The following REEP1 variants were observed in gnomAD, a reference collection of about 807,000 sequenced individuals.
REEP1 encodes receptor expression-enhancing protein 1.
REEP1 carries 22 observed loss-of-function variants against 40.3 expected under a neutral mutation model. The observed-to-expected ratio is 0.55, with a 90% CI of 0.39 to 0.78. REEP1 has a LOEUF of 0.78. REEP1 is among the 30% of genes least tolerant of loss of function. The probability of loss-of-function intolerance (pLI) is 0.00; values close to 1 mark genes in which losing one functional copy is unlikely to be tolerated. For synonymous variants in REEP1, 116 were observed against 139.2 expected, an observed-to-expected ratio of 0.83 and a Z score of 1.17; for missense variants, 280 against 361.1, an observed-to-expected ratio of 0.78 and a Z score of 1.82.
chr2:86,239,483 A>C (rs1186283808), intron 5 of REEP1, among the ~76,000 whole-genome samples: 1 of 152,182 alleles, frequency 6.6e-6, no homozygotes, highest in East Asian at 1.9e-4. Context: ...GGAAATTGAT[A>C]ACAAAGCCAC....
intron 5 of REEP1, among the ~76,000 whole-genome samples, chr2:86,246,913 C>G (rs1333120012): frequency 3.3e-5 from 5 of 152,082 alleles, no homozygotes; most frequent in African/African-American, 1.2e-4. Context: ...GTTGGTCAGG[C>G]TGGTTTCAAA....
chr2:86,253,548 C>T (rs569755175), intron 4 of REEP1, among the ~76,000 whole-genome samples: 17 of 152,238 alleles, frequency 1.1e-4, no homozygotes, highest in African/African-American at 3.9e-4. Flanking sequence ...GAGTCAGTCA[C>T]CTTCACTTCA....
At chr2:86,260,076 C>A (rs2104282534) in intron 3 of REEP1, among the ~76,000 whole-genome samples, 1 of 152,282 alleles carries the variant, frequency 6.6e-6, no homozygotes, top group East Asian at 1.9e-4. Context: ...CCTACATTCC[C>A]TGATGGGCCC....
chr2:86,259,294 G>A (rs997964357), intron 3 of REEP1, among the ~76,000 whole-genome samples: 1 of 151,984 alleles, frequency 6.6e-6, no homozygotes, highest in African/African-American at 2.4e-5. Context: ...TTCTAGGGAG[G>A]GAGACTGTGG....
chr2:86,316,233 C>A (rs1680000518), intron 1 of REEP1, among the ~76,000 whole-genome samples: 1 of 152,042 alleles, frequency 6.6e-6, no homozygotes, highest in African/African-American at 2.4e-5. Flanking sequence ...GATATACCTG[C>A]AAACCTAAAA....
intron 5 of REEP1, among the ~76,000 whole-genome samples, chr2:86,248,649 T>C (rs1676099172): frequency 6.6e-6 from 1 of 152,056 alleles, no homozygotes; most frequent in South Asian, 2.1e-4. Flanking sequence ...AGGGTCTCAC[T>C]ATGTTACCCA....
At chr2:86,243,463 C>T (rs559181908) in intron 5 of REEP1, among the ~76,000 whole-genome samples, 6 of 152,292 alleles carry the variant, frequency 3.9e-5, no homozygotes, top group East Asian at 1.9e-4. Flanking sequence ...AATGTCGGAC[C>T]GCCAACTCCG....
At chr2:86,258,178 C>T (rs1676672780) in intron 3 of REEP1, among the ~76,000 whole-genome samples, 1 of 152,222 alleles carries the variant, frequency 6.6e-6, no homozygotes, top group South Asian at 2.1e-4. Context: ...CATCTACCAA[C>T]AGAGCGTCAT....
chr2:86,237,394 T>A (rs1277355107), intron 5 of REEP1, among the ~76,000 whole-genome samples: 1 of 152,226 alleles, frequency 6.6e-6, no homozygotes, highest in Admixed American at 6.5e-5. Flanking sequence ...AAGTGGATAC[T>A]GACACGCCGA....
At chr2:86,335,837 C>CG (rs2104556460) in intron 1 of REEP1, among the ~76,000 whole-genome samples, 2 of 116,712 alleles carry the variant, frequency 1.7e-5, no homozygotes, top group East Asian at 5.6e-4. Context: ...GGCGACAGAG[C>CG]GAGACTCGGT....
chr2:86,248,410 T>G (rs1012260257), intron 5 of REEP1, among the ~76,000 whole-genome samples: 1 of 152,104 alleles, frequency 6.6e-6, no homozygotes, highest in African/African-American at 2.4e-5. Context: ...GGGACAGGCC[T>G]AGTTTATTTT....
chr2:86,280,216 G>A (rs1253579082), intron 2 of REEP1, among the ~76,000 whole-genome samples: 2 of 152,180 alleles, frequency 1.3e-5, no homozygotes, highest in African/African-American at 4.8e-5. Context: ...GATACTACTC[G>A]GCTTGTTTCT....
intron 5 of REEP1, among the ~76,000 whole-genome samples, chr2:86,246,801 A>T (rs1206994081): frequency 6.6e-6 from 1 of 150,988 alleles, no homozygotes; most frequent in Admixed American, 6.6e-5. Flanking sequence ...TCCTGAGTTC[A>T]AGAGATTCTC....
intron 1 of REEP1, among the ~76,000 whole-genome samples, chr2:86,313,615 G>A (rs1679862398): frequency 6.6e-6 from 1 of 152,196 alleles, no homozygotes; most frequent in South Asian, 2.1e-4. Flanking sequence ...ATGACATATT[G>A]AAACCAGTTT....
chr2:86,276,352 G>A (rs1189419944), intron 2 of REEP1, among the ~76,000 whole-genome samples: 1 of 152,194 alleles, frequency 6.6e-6, no homozygotes, highest in Non-Finnish European at 1.5e-5. Context: ...TTCTGCATGT[G>A]GACTTGCTTT....
At chr2:86,229,045 C>T (rs1369748346) in intron 6 of REEP1, among the ~76,000 whole-genome samples, 1 of 152,226 alleles carries the variant, frequency 6.6e-6, no homozygotes, top group African/African-American at 2.4e-5. Flanking sequence ...GAGAATTCCA[C>T]GAGGTGCAGC....
At chr2:86,337,683 T>TGGCGGC (rs545000846), upstream of REEP1, 1,930 of 998,818 alleles carry the variant, frequency 1.9e-3, 16 homozygotes, top group African/African-American at 0.018. This position sits in a 1 kb window ranked among gnomAD's most constrained non-coding sequence, Gnocchi z 5.8. Context: ...CGGCACGTTC[T>TGGCGGC]GGCGGCGGCG....
At chr2:86,236,143 G>A (rs1388515302) in intron 5 of REEP1, among the ~76,000 whole-genome samples, 2 of 151,804 alleles carry the variant, frequency 1.3e-5, no homozygotes, top group Non-Finnish European at 2.9e-5. Flanking sequence ...TTGAACCCGG[G>A]AGGTGGAGGT....
intron 1 of REEP1, among the ~76,000 whole-genome samples, chr2:86,333,704 G>A (rs187323151): frequency 1.3e-5 from 2 of 152,252 alleles, no homozygotes; most frequent in East Asian, 3.9e-4. Flanking sequence ...CTCCAAAAGG[G>A]TGCACAAAAA....
Sources: gnomAD v4.1 joint callset for allele counts (sites outside exome capture counted in the v4.1 genomes callset) on GRCh38, gnomAD v4.1.1 for gene constraint, Gnocchi (gnomAD v3.1) non-coding constraint, MANE v1.5 for transcripts, NCBI Gene and HGNC (gene_info 2026-07-23, HGNC 2026-07-21) for gene names.